The following GNAQ variants were observed in gnomAD, a reference collection of about 807,000 sequenced individuals.
GNAQ encodes guanine nucleotide-binding protein G(q) subunit alpha.
A neutral mutation model predicts 43.9 loss-of-function variants in GNAQ; 8 were observed. The ratio of observed to expected loss-of-function variants is 0.18; its 90% confidence interval spans 0.11 to 0.33. The LOEUF is 0.33. Among genes scored for constraint, GNAQ ranks in the 10% least tolerant of loss-of-function variants. GNAQ has a pLI of 1.00. For synonymous variants in GNAQ, 155 were observed against 170.7 expected, an observed-to-expected ratio of 0.91 and a Z score of 0.71; for missense variants, 158 against 450.8, an observed-to-expected ratio of 0.35 and a Z score of 5.88.
intron 2 of GNAQ, among the ~76,000 whole-genome samples, chr9:77,865,142 TAACA>T (rs1039115124): frequency 6.6e-6 from 1 of 152,124 alleles, no homozygotes; most frequent in Admixed American, 6.5e-5. Context: ...TCTTTTAACT[TAACA>T]AACAGCTCAC....
intron 1 of GNAQ, among the ~76,000 whole-genome samples, chr9:77,983,072 T>G (rs954187755): frequency 6.6e-6 from 1 of 152,218 alleles, no homozygotes; most frequent in African/African-American, 2.4e-5. Flanking sequence ...AATGCTTGAA[T>G]TCATCAATTA....
At chr9:77,866,417 C>T (rs1406037745) in intron 2 of GNAQ, among the ~76,000 whole-genome samples, 1 of 152,042 alleles carries the variant, frequency 6.6e-6, no homozygotes, top group Non-Finnish European at 1.5e-5. Flanking sequence ...GCGGAGGTTG[C>T]AGTAAGCTGA....
At chr9:77,813,019 TCTC>T (rs1266703637) in intron 3 of GNAQ, among the ~76,000 whole-genome samples, 1 of 151,934 alleles carries the variant, frequency 6.6e-6, no homozygotes, top group Non-Finnish European at 1.5e-5. Flanking sequence ...TTCAACCAAT[TCTC>T]CTGTTTCAGC....
At chr9:78,030,007 T>C (rs926961567) in intron 1 of GNAQ, among the ~76,000 whole-genome samples, 1 of 152,160 alleles carries the variant, frequency 6.6e-6, no homozygotes, top group African/African-American at 2.4e-5. Flanking sequence ...GAGATAATCA[T>C]CAATAAATTT....
chr9:77,778,724 A>G (rs576742969), intron 5 of GNAQ, among the ~76,000 whole-genome samples: 3 of 152,132 alleles, frequency 2.0e-5, no homozygotes, highest in African/African-American at 7.2e-5. Context: ...AGAATAAAAA[A>G]CAAATGAATG....
intron 5 of GNAQ, among the ~76,000 whole-genome samples, chr9:77,742,917 C>A (rs1366055339): frequency 6.6e-6 from 1 of 152,148 alleles, no homozygotes; most frequent in East Asian, 1.9e-4. Flanking sequence ...GGAGAGTTGT[C>A]CCACAGTCAC....
At chr9:77,768,006 TTAAAA>T (rs1826162204) in intron 5 of GNAQ, among the ~76,000 whole-genome samples, 1 of 152,244 alleles carries the variant, frequency 6.6e-6, no homozygotes, top group African/African-American at 2.4e-5. Flanking sequence ...CATTATATTA[TTAAAA>T]TAATCATGCA....
At chr9:77,920,848 C>G (rs1828985910) in intron 2 of GNAQ, among the ~76,000 whole-genome samples, 1 of 152,114 alleles carries the variant, frequency 6.6e-6, no homozygotes, top group Non-Finnish European at 1.5e-5. Flanking sequence ...CTAAGAAAAA[C>G]AAATGCCTGA....
At chr9:77,866,553 T>C (rs771356203) in intron 2 of GNAQ, among the ~76,000 whole-genome samples, 183 of 152,354 alleles carry the variant, frequency 1.2e-3, no homozygotes, top group Non-Finnish European at 1.8e-3. Context: ...CTGAGTAAAT[T>C]ACCAAATTAT....
At chr9:77,953,916 G>A (rs1206407253) in intron 1 of GNAQ, among the ~76,000 whole-genome samples, 1 of 152,130 alleles carries the variant, frequency 6.6e-6, no homozygotes, top group African/African-American at 2.4e-5. Flanking sequence ...CCCCAACACT[G>A]TTATCTTCCT....
At chr9:77,865,023 C>T (rs1398606935) in intron 2 of GNAQ, among the ~76,000 whole-genome samples, 2 of 152,200 alleles carry the variant, frequency 1.3e-5, no homozygotes, top group African/African-American at 4.8e-5. Flanking sequence ...AAAATTAACA[C>T]CTTTTCACCT....
chr9:77,804,401 G>T (rs2118480125), intron 3 of GNAQ, among the ~76,000 whole-genome samples: 1 of 152,326 alleles, frequency 6.6e-6, no homozygotes, highest in Non-Finnish European at 1.5e-5. Context: ...GTGGCGGCAT[G>T]TGCCTACAGT....
At chr9:77,924,151 T>C (rs1307616856) in intron 1 of GNAQ, among the ~76,000 whole-genome samples, 1 of 152,192 alleles carries the variant, frequency 6.6e-6, no homozygotes, top group African/African-American at 2.4e-5. Context: ...GTAATGTGAA[T>C]GCTATCACCC....
In GNAQ at chr9:77,720,152, G is replaced by A. The variant is rs1406532366; in HGVS notation, c.*1171C>T. 2 of 232,984 alleles carry A rather than the reference G, an allele frequency of 8.6e-6. No homozygotes were observed. The highest frequency in any genetic ancestry group is 8.5e-6 in the Non-Finnish European group (1 of 117,862). The allele number at this position is 232,984 out of a possible 1,614,324, so 14.4% of individuals were successfully genotyped here. On this transcript the variant is annotated 3_prime_UTR_variant, in exon 7 of 7. Coordinates refer to ENST00000286548, the MANE Select transcript of GNAQ (RefSeq NM_002072.5). ...AATGTCATCTTAAGGACAAAGAAAA[G>A]AATGGACCGTGAGAATCAAATTTCT...
intron 2 of GNAQ, among the ~76,000 whole-genome samples, chr9:77,875,310 T>A (rs1828109794): frequency 6.6e-6 from 1 of 152,146 alleles, no homozygotes; most frequent in Admixed American, 6.5e-5. Context: ...GTTACATGAG[T>A]CCACATCTTT....
chr9:77,815,408 A>G (rs866350637), intron 3 of GNAQ, among the ~76,000 whole-genome samples: 1 of 152,322 alleles, frequency 6.6e-6, no homozygotes, highest in South Asian at 2.1e-4. Flanking sequence ...AGTAAAAGAA[A>G]TATTCTCCCT....
intron 2 of GNAQ, among the ~76,000 whole-genome samples, chr9:77,846,310 T>A (rs1407296782): frequency 5.3e-5 from 8 of 152,176 alleles, no homozygotes. Context: ...TGGCTGCCCC[T>A]TGGGAGGGGC....
rs80271427 is a variant in GNAQ at position 78,023,668 on chromosome 9, T to A, written c.136+7432A>T. Among the ~76,000 whole-genome samples the A allele has an allele frequency of 2.9e-3, 438 of 151,244 alleles. 6 individuals are homozygous for A. In the East Asian group the frequency reaches 0.046, roughly 16 times the overall value. ...AAAGAAACAATAAAAATGAAAAAAATTTTTCAACATAAAAAAGAAACAAAA... is the reference window on the plus strand; with the variant it reads ...AAAGAAACAATAAAAATGAAAAAAAATTTTCAACATAAAAAAGAAACAAAA... On this transcript the variant is annotated intron_variant, in intron 1 of 6. Coordinates refer to ENST00000286548, the MANE Select transcript of GNAQ (RefSeq NM_002072.5).
At chr9:77,853,636 T>C (rs143110445) in intron 2 of GNAQ, among the ~76,000 whole-genome samples, 1 of 151,950 alleles carries the variant, frequency 6.6e-6, no homozygotes, top group Admixed American at 6.5e-5. Context: ...TAACTGGCAG[T>C]GTGAAAAATA....
Sources: allele counts gnomAD v4.1 joint callset (sites outside exome capture counted in the v4.1 genomes callset), GRCh38; gene constraint gnomAD v4.1.1; transcripts MANE v1.5; gene names NCBI Gene and HGNC (gene_info 2026-07-23, HGNC 2026-07-21).